Variants in DNER observed in about 807,000 individuals in gnomAD.
The protein encoded by DNER is delta/notch like EGF repeat containing, also known as delta and Notch-like epidermal growth factor-related receptor.
Under a neutral mutation model 78.2 loss-of-function variants are expected in DNER, and 33 were observed. The ratio of observed to expected loss-of-function variants is 0.42; its 90% confidence interval spans 0.32 to 0.56. The LOEUF is 0.56. Among genes scored for constraint, DNER ranks in the 20% least tolerant of loss-of-function variants. The pLI, the probability that DNER is intolerant of heterozygous loss-of-function variation, is 0.11. For missense variants in DNER, 918 were observed against 975.3 expected (o/e 0.94, Z 0.78); for synonymous variants, 417 against 384.8 (o/e 1.08, Z -0.98).
chr2:229,704,911 G>A (rs190563534), intron 1 of DNER, among the ~76,000 whole-genome samples: 2 of 152,318 alleles, frequency 1.3e-5, no homozygotes, highest in African/African-American at 4.8e-5. Flanking sequence ...CATTGTTCCC[G>A]TATTGCATTT....
chr2:229,413,318 C>CTT (rs751043233), intron 9 of DNER, among the ~76,000 whole-genome samples: 5 of 89,490 alleles, frequency 5.6e-5, no homozygotes, highest in African/African-American at 1.3e-4. Flanking sequence ...TCTTTTTCTT[C>CTT]TTCTTTTTTT....
At chr2:229,541,885 A>G (rs1455254291) in intron 5 of DNER, among the ~76,000 whole-genome samples, 2 of 147,286 alleles carry the variant, frequency 1.4e-5, no homozygotes, top group Non-Finnish European at 3.0e-5. Context: ...ATATTTATTT[A>G]TATGTATATA....
At chr2:229,510,249 T>C (rs1695837923) in intron 6 of DNER, among the ~76,000 whole-genome samples, 1 of 152,202 alleles carries the variant, frequency 6.6e-6, no homozygotes, top group South Asian at 2.1e-4. Context: ...CAATCGTTGT[T>C]CAAAGAGCAA....
Position 229,630,576 on chromosome 2 carries a change from C to T in DNER, c.277-38688G>A, listed in dbSNP as rs927074116. On this transcript the variant is annotated intron_variant, in intron 1 of 12. Transcript: ENST00000341772. ...TCTCATTTACCCATGGCACAGGGAT[C>T]GCAAGCTAATATATATATTTGGACA... Among the ~76,000 whole-genome samples, 8 of 151,570 alleles carry T rather than the reference C, an allele frequency of 5.3e-5. No individual in the cohort carries two copies. In the East Asian group the frequency reaches 1.4e-3, roughly 26 times the overall value.
At chr2:229,452,446 A>T (rs2106364276) in intron 7 of DNER, among the ~76,000 whole-genome samples, 1 of 152,176 alleles carries the variant, frequency 6.6e-6, no homozygotes, top group East Asian at 1.9e-4. Flanking sequence ...GGTGTAATAC[A>T]ATAGGGACTG....
chr2:229,403,238 C>G (rs1693306947), intron 10 of DNER, among the ~76,000 whole-genome samples: 4 of 152,146 alleles, frequency 2.6e-5, no homozygotes, highest in African/African-American at 7.2e-5. Context: ...AGCTCAACCT[C>G]AAGAGCAGAA....
chr2:229,369,641 A>G (rs1313892208), intron 11 of DNER, among the ~76,000 whole-genome samples: 1 of 152,170 alleles, frequency 6.6e-6, no homozygotes, highest in East Asian at 1.9e-4. Context: ...AGGATTACTG[A>G]GCATGGCCCT....
At chr2:229,682,526 C>T (rs1291519119) in intron 1 of DNER, among the ~76,000 whole-genome samples, 1 of 152,118 alleles carries the variant, frequency 6.6e-6, no homozygotes, top group East Asian at 1.9e-4. Flanking sequence ...AAACTGGTTA[C>T]TTCATCTCAT....
intron 1 of DNER, among the ~76,000 whole-genome samples, chr2:229,630,507 AATAATAATAATAAT>A (rs1698416486): frequency 1.3e-5 from 2 of 148,588 alleles, no homozygotes; most frequent in African/African-American, 2.5e-5. Flanking sequence ...TAATAATAAT[AATAATAATAATAAT>A]AAAATCTTCT....
intron 1 of DNER, among the ~76,000 whole-genome samples, chr2:229,673,449 G>A (rs540870390): frequency 2.0e-5 from 3 of 152,186 alleles, no homozygotes; most frequent in Non-Finnish European, 2.9e-5. Flanking sequence ...GTCTTCGGAG[G>A]TTTCTGTCAT....
chr2:229,590,460 A>G (rs1697582182), intron 2 of DNER, among the ~76,000 whole-genome samples: 2 of 152,194 alleles, frequency 1.3e-5, no homozygotes, highest in South Asian at 4.1e-4. Context: ...AAATGACAAC[A>G]GTAAAAAAAT....
intron 1 of DNER, among the ~76,000 whole-genome samples, chr2:229,709,898 G>A (rs1024272988): frequency 2.0e-5 from 3 of 152,134 alleles, no homozygotes; most frequent in Non-Finnish European, 4.4e-5. Context: ...CCAATAGAAG[G>A]AGTTTCTGTA....
intron 5 of DNER, 129 bp downstream of exon 5, chr2:229,546,816 GAC>G: frequency 7.6e-7 from 1 of 1,321,306 alleles, no homozygotes; most frequent in Non-Finnish European, 1.0e-6. Context: ...CAGACAGACA[GAC>G]AGACAGACAG....
chr2:229,480,565 G>A (rs1349857138), intron 6 of DNER, among the ~76,000 whole-genome samples: 2 of 152,198 alleles, frequency 1.3e-5, no homozygotes, highest in African/African-American at 4.8e-5. Flanking sequence ...CTTCAATGCT[G>A]TTAAGTGCCC....
intron 8 of DNER, among the ~76,000 whole-genome samples, chr2:229,442,431 T>C (rs1574845173): frequency 6.6e-6 from 1 of 151,568 alleles, no homozygotes; most frequent in East Asian, 2.0e-4. Context: ...AGGAGAATGG[T>C]GTGAACCTGG....
At chr2:229,467,061 T>A (rs1183671475) in intron 7 of DNER, among the ~76,000 whole-genome samples, 1 of 152,138 alleles carries the variant, frequency 6.6e-6, no homozygotes, top group Non-Finnish European at 1.5e-5. Context: ...AAGAGGACCC[T>A]GGTCAAATGC....
chr2:229,701,088 T>G (rs1699739085), intron 1 of DNER, among the ~76,000 whole-genome samples: 1 of 152,168 alleles, frequency 6.6e-6, no homozygotes, highest in Non-Finnish European at 1.5e-5. Flanking sequence ...AAACAGTGAT[T>G]AGTGCAGAGG....
chr2:229,419,267 G>A (rs1559346611), intron 8 of DNER, among the ~76,000 whole-genome samples: 2 of 152,166 alleles, frequency 1.3e-5, no homozygotes, highest in Admixed American at 1.3e-4. Context: ...TCATTCATGA[G>A]GGTTATGCTG....
chr2:229,436,034 T>A (rs1347953212), intron 8 of DNER, among the ~76,000 whole-genome samples: 2 of 152,134 alleles, frequency 1.3e-5, no homozygotes, highest in Non-Finnish European at 2.9e-5. Context: ...AGGGGTTTGG[T>A]GTACAGATTA....
Sources: gnomAD v4.1 joint callset for allele counts (sites outside exome capture counted in the v4.1 genomes callset) on GRCh38, gnomAD v4.1.1 for gene constraint, MANE v1.5 for transcripts, NCBI Gene and HGNC (gene_info 2026-07-23, HGNC 2026-07-21) for gene names.